Variants in UHRF1 observed in about 807,000 individuals in gnomAD.
UHRF1 encodes the protein ubiquitin like with PHD and ring finger domains 1, also known as E3 ubiquitin-protein ligase UHRF1.
In UHRF1, 9 loss-of-function variants were observed where a neutral mutation model predicts 96.5. The ratio of observed to expected loss-of-function variants is 0.09; its 90% CI spans 0.06 to 0.16. UHRF1 has a LOEUF of 0.16. Ranked by LOEUF, UHRF1 falls within the 10% of genes least tolerant of loss-of-function variation. The pLI is 1.00. For synonymous variants in UHRF1, 455 were observed against 469.9 expected (o/e 0.97, Z 0.41); for missense variants, 626 against 1,131.1 (o/e 0.55, Z 6.40).
upstream of UHRF1, among the ~76,000 whole-genome samples, chr19:4,908,681 C>T (rs557549115): frequency 6.1e-4 from 93 of 152,344 alleles, no homozygotes; most frequent in Admixed American, 2.6e-4. Flanking sequence ...CCTCCCACCA[C>T]ATGGCTGCTG....
At chr19:4,956,540 T>C (rs1487500156) in intron 15 of UHRF1, among the ~76,000 whole-genome samples, 169 bp from the exon 16 acceptor site, 1 of 152,226 alleles carries the variant, frequency 6.6e-6, no homozygotes, top group Non-Finnish European at 1.5e-5. Flanking sequence ...GGCTCATGCC[T>C]GTTGGGCCTC....
At chr19:4,910,802 C>G in intron 1 of UHRF1, 74 bp from the exon 2 acceptor site, 1 of 1,475,644 alleles carries the variant, frequency 6.8e-7, no homozygotes, top group Non-Finnish European at 9.1e-7. Context: ...AAAGCAACCC[C>G]GACTCCTTAG....
intron 11 of UHRF1, among the ~76,000 whole-genome samples, chr19:4,950,160 G>A (rs573564381): frequency 1.1e-4 from 17 of 151,216 alleles, no homozygotes; most frequent in African/African-American, 3.9e-4. Context: ...CGTGAGCCAC[G>A]GCACCTAGCA....
chr19:4,925,381 G>A (rs79131094), intron 2 of UHRF1, among the ~76,000 whole-genome samples: 1,872 of 152,218 alleles, frequency 0.012, 27 homozygotes, highest in African/African-American at 0.042. Context: ...TCATAGAAAT[G>A]GGATCATGCA....
chr19:4,929,999 T>C (rs1032633368), intron 3 of UHRF1, among the ~76,000 whole-genome samples: 1 of 151,882 alleles, frequency 6.6e-6, no homozygotes, highest in Non-Finnish European at 1.5e-5. Context: ...TTTTAATACA[T>C]GGTCTCATTC....
intron 4 of UHRF1, among the ~76,000 whole-genome samples, chr19:4,931,510 C>A (rs981414755): frequency 6.6e-6 from 1 of 151,798 alleles, no homozygotes; most frequent in Non-Finnish European, 1.5e-5. Flanking sequence ...CTCTGTCACT[C>A]AGGCTAGAGT....
chr19:4,933,691 T>TA (rs2033129418), intron 5 of UHRF1, among the ~76,000 whole-genome samples: 1 of 152,194 alleles, frequency 6.6e-6, no homozygotes, highest in African/African-American at 2.4e-5. Flanking sequence ...ATTCTGTTCA[T>TA]AAACATACAC....
chr19:4,922,236 C>A (rs748419928), intron 2 of UHRF1, among the ~76,000 whole-genome samples: 4 of 151,736 alleles, frequency 2.6e-5, no homozygotes, highest in African/African-American at 7.3e-5. Context: ...TGTGAGCCAC[C>A]GGACCTGGGC....
chr19:4,941,706 C>A, intron 6 of UHRF1, 39 bp from the exon 7 acceptor site: 1 of 1,556,052 alleles, frequency 6.4e-7, no homozygotes, highest in Non-Finnish European at 8.7e-7. Flanking sequence ...CTGGCTTGGC[C>A]GGGCCCCGCC....
At chr19:4,944,996 C>T (rs1027326105) in intron 9 of UHRF1, among the ~76,000 whole-genome samples, 30 of 152,176 alleles carry the variant, frequency 2.0e-4, no homozygotes, top group Non-Finnish European at 1.3e-4. Context: ...TGAGTGTCCC[C>T]TTGGAGGCAG....
chr19:4,943,876 C>T (rs2033484139), intron 7 of UHRF1, among the ~76,000 whole-genome samples: 1 of 152,202 alleles, frequency 6.6e-6, no homozygotes, highest in Non-Finnish European at 1.5e-5. Context: ...GTCTTGAACT[C>T]CTGACCTCAG....
intron 11 of UHRF1, 49 bp from the exon 12 acceptor site, chr19:4,950,562 G>A (rs760194914): frequency 1.3e-6 from 2 of 1,567,688 alleles, no homozygotes; most frequent in Non-Finnish European, 1.7e-6. Context: ...TCCTTTTTTG[G>A]GGGGTACATC....
Position 4,956,776 on chromosome 19 carries a change from G to A in UHRF1, c.2198G>A (p.Arg733Gln), listed in dbSNP as rs763294257. 381 of 1,610,978 alleles carry A rather than the reference G, an allele frequency of 2.4e-4. No individual in the cohort carries two copies. Among genetic ancestry groups the A allele is most frequent in the Non-Finnish European group, 3.0e-4 (359 of 1,178,628 alleles). ...ATCTGCTGTCAGGAGCTGGTGTTCC[G>A]GCCCATCACGACCGTGTGCCAGCAC... ...QCICCQELVF[R>Q]PITTVCQHNV... Residue 733 changes from arginine to glutamine, a missense_variant, in exon 16 of 17, where the codon CGG (arginine) becomes CAG (glutamine). Physicochemically the swap from Arg to Gln is conservative, Grantham distance 43 (BLOSUM62 1). Coordinates refer to ENST00000650932, the MANE Select transcript of UHRF1 (RefSeq NM_001048201.3).
intron 1 of UHRF1, chr19:4,910,319 G>C (rs2032208554): frequency 6.7e-6 from 1 of 150,264 alleles, no homozygotes; most frequent in South Asian, 2.1e-4. Flanking sequence ...CCGCGGGGCG[G>C]GCCCGGTCGC....
chr19:4,907,794 C>T (rs1292511625), upstream of UHRF1, among the ~76,000 whole-genome samples: 1 of 145,592 alleles, frequency 6.9e-6, no homozygotes, highest in African/African-American at 2.6e-5. Flanking sequence ...CTCACCACAA[C>T]CTCTGCCTCC....
intron 5 of UHRF1, among the ~76,000 whole-genome samples, chr19:4,934,579 C>T (rs764393651): frequency 5.3e-5 from 8 of 152,216 alleles, no homozygotes; most frequent in African/African-American, 7.2e-5. Flanking sequence ...TGTTCACTGA[C>T]GTCACTGAGT....
chr19:4,928,909 T>G (rs2032957035), intron 2 of UHRF1, among the ~76,000 whole-genome samples: 2 of 152,142 alleles, frequency 1.3e-5, no homozygotes, highest in African/African-American at 4.8e-5. Context: ...GCACGAAGTA[T>G]TAGGAAAAAC....
intron 5 of UHRF1, among the ~76,000 whole-genome samples, chr19:4,940,476 C>T (rs572822680): frequency 6.8e-6 from 1 of 146,558 alleles, no homozygotes; most frequent in South Asian, 2.2e-4. Flanking sequence ...AAGCGATTCT[C>T]CTGCCTCAGC....
At chr19:4,932,664 C>G in intron 4 of UHRF1, 77 bp from the exon 5 acceptor site, 1 of 1,528,286 alleles carries the variant, frequency 6.5e-7, no homozygotes, top group Non-Finnish European at 9.0e-7. Flanking sequence ...AGGGGCCGTC[C>G]CACCTCGGCT....
Sources: allele counts gnomAD v4.1 joint callset (sites outside exome capture counted in the v4.1 genomes callset), GRCh38; gene constraint gnomAD v4.1.1; transcripts MANE v1.5; gene names NCBI Gene and HGNC (gene_info 2026-07-23, HGNC 2026-07-21).